Variants in HECW2 observed in about 807,000 individuals in gnomAD.
HECW2 encodes the protein E3 ubiquitin-protein ligase HECW2.
Under a neutral mutation model 175.2 loss-of-function variants are expected in HECW2, and 61 were observed. That is an observed-to-expected ratio of 0.35 (90% CI 0.28 to 0.43). The LOEUF (loss-of-function observed/expected upper bound fraction) is 0.43. Among genes scored for constraint, HECW2 ranks in the 20% least tolerant of loss-of-function variants. HECW2 has a pLI of 1.00. For missense variants in HECW2, 1,524 were observed against 2,000.5 expected, an observed-to-expected ratio of 0.76 and a Z score of 4.54; for synonymous variants, 671 against 731.0, an observed-to-expected ratio of 0.92 and a Z score of 1.32.
intron 1 of HECW2, among the ~76,000 whole-genome samples, chr2:196,524,340 T>G (rs1428268124): frequency 1.8e-5 from 2 of 110,566 alleles, no homozygotes; most frequent in African/African-American, 5.7e-5. Flanking sequence ...TATCATTTTT[T>G]ATTGTGTCTA....
intron 2 of HECW2, among the ~76,000 whole-genome samples, chr2:196,386,206 G>A (rs548331475): frequency 6.6e-6 from 1 of 152,172 alleles, no homozygotes; most frequent in Non-Finnish European, 1.5e-5. Flanking sequence ...AGATGGAAAG[G>A]GGAGATGGAC....
chr2:196,543,225 T>C (rs1425356623), intron 1 of HECW2, among the ~76,000 whole-genome samples: 1 of 151,184 alleles, frequency 6.6e-6, no homozygotes, highest in African/African-American at 2.4e-5. Flanking sequence ...TAAATACAAA[T>C]CTACAAGTGA....
At chr2:196,380,835 T>C (rs1694188398) in intron 2 of HECW2, among the ~76,000 whole-genome samples, 1 of 152,192 alleles carries the variant, frequency 6.6e-6, no homozygotes, top group Non-Finnish European at 1.5e-5. Context: ...CATAATAAAA[T>C]GTTACACAGC....
At chr2:196,400,919 A>C (rs1210318555) in intron 2 of HECW2, among the ~76,000 whole-genome samples, 1 of 152,300 alleles carries the variant, frequency 6.6e-6, no homozygotes, top group East Asian at 1.9e-4. Context: ...AAAAAGAGTT[A>C]TAAAACTTCA....
At chr2:196,269,198 A>G (rs1689631640) in intron 17 of HECW2, 1 of 152,180 alleles carries the variant, frequency 6.6e-6, no homozygotes, top group South Asian at 2.1e-4. Flanking sequence ...AAGACATGAG[A>G]CCAAGGTCAG....
At chr2:196,259,808 G>C (rs918934053) in intron 17 of HECW2, among the ~76,000 whole-genome samples, 2 of 152,154 alleles carry the variant, frequency 1.3e-5, no homozygotes, top group Non-Finnish European at 2.9e-5. Context: ...TCAGAGGAAA[G>C]TTATCTTGAA....
At chr2:196,254,581 C>T (rs1409746011) in intron 18 of HECW2, among the ~76,000 whole-genome samples, 2 of 152,148 alleles carry the variant, frequency 1.3e-5, no homozygotes, top group Non-Finnish European at 1.5e-5. Context: ...GGATCTTAGA[C>T]CATTTAATGT....
intron 1 of HECW2, among the ~76,000 whole-genome samples, chr2:196,502,877 A>G (rs1235545497): frequency 1.3e-5 from 2 of 152,246 alleles, no homozygotes; most frequent in African/African-American, 4.8e-5. Flanking sequence ...AAGAGTACAC[A>G]TGGAGGTCCA....
rs113311294 is a variant in HECW2 at position 196,453,800 on chromosome 2, G to A, written c.-35-20342C>T. Among the ~76,000 whole-genome samples, 110 of 152,190 alleles carry A rather than the reference G, an allele frequency of 7.2e-4. 2 individuals carry two copies. The highest frequency in any genetic ancestry group is 2.2e-3 in the African/African-American group (92 of 41,534). On this transcript the variant is annotated intron_variant, in intron 1 of 28. Coordinates refer to ENST00000644978, the MANE Select transcript of HECW2 (RefSeq NM_001348768.2). ...CTAATGACAGCACACCTAGATTTCTGGAGCAGTTCGGGGATAGAGAATCAA... is the reference window on the plus strand; with the variant it reads ...CTAATGACAGCACACCTAGATTTCTAGAGCAGTTCGGGGATAGAGAATCAA...
chr2:196,429,243 G>T lies in HECW2; in HGVS notation c.292+3889C>A, dbSNP rs573035034. On this transcript the variant is annotated intron_variant, in intron 2 of 28. Transcript: ENST00000644978. The stretch of plus-strand genomic sequence containing the variant: ...AAGTTTAGACCTTTCCTGAGCCTGG[G>T]GGGGGCCTACCTGCCCTGAGATTAA... Among the ~76,000 whole-genome samples, 29 of 151,754 alleles carry T rather than the reference G, an allele frequency of 1.9e-4. No individual in the cohort carries two copies. The East Asian group carries it at 3.5e-3, about 18-fold the overall frequency.
chr2:196,221,375 C>G (rs79769357), intron 24 of HECW2, among the ~76,000 whole-genome samples: 7,127 of 152,040 alleles, frequency 0.047, 546 homozygotes, highest in African/African-American at 0.16. Flanking sequence ...TGCAGAAAAG[C>G]AGCTAAAGAT....
At chr2:196,244,211 A>G (rs1688565056) in intron 19 of HECW2, among the ~76,000 whole-genome samples, 1 of 152,196 alleles carries the variant, frequency 6.6e-6, no homozygotes, top group Non-Finnish European at 1.5e-5. Context: ...GGTTGGGGAA[A>G]CAGAAATAAA....
At chr2:196,227,734 C>A (rs1430479577) in intron 22 of HECW2, among the ~76,000 whole-genome samples, 1 of 152,210 alleles carries the variant, frequency 6.6e-6, no homozygotes, top group Admixed American at 6.5e-5. Flanking sequence ...CAGGCCCTTC[C>A]CCTCCTCATC....
chr2:196,585,964 A>G (rs931037441), intron 1 of HECW2, among the ~76,000 whole-genome samples: 1 of 152,054 alleles, frequency 6.6e-6, no homozygotes, highest in Admixed American at 6.6e-5. Flanking sequence ...CTGCCACCCA[A>G]TATCTTCATG....
chr2:196,379,973 C>T (rs1055298216), intron 2 of HECW2, among the ~76,000 whole-genome samples: 26 of 150,582 alleles, frequency 1.7e-4, no homozygotes, highest in African/African-American at 6.3e-4. Flanking sequence ...AAATTGTTAA[C>T]TGGATTTTGC....
chr2:196,257,505 G>A (rs1438090524), intron 18 of HECW2, among the ~76,000 whole-genome samples: 1 of 152,114 alleles, frequency 6.6e-6, no homozygotes, highest in Non-Finnish European at 1.5e-5. Context: ...AGGGGTAAAC[G>A]GTGGATGCCT....
intron 10 of HECW2, among the ~76,000 whole-genome samples, chr2:196,313,921 C>T (rs1215651547): frequency 6.6e-6 from 1 of 152,116 alleles, no homozygotes; most frequent in Non-Finnish European, 1.5e-5. Flanking sequence ...ACCAGCCAGG[C>T]ATGATCATGC....
intron 1 of HECW2, among the ~76,000 whole-genome samples, chr2:196,441,090 GATTTTGTTCAGAAGAT>G (rs1450342151): frequency 4.6e-5 from 7 of 152,142 alleles, no homozygotes; most frequent in African/African-American, 1.7e-4. Flanking sequence ...AAAACCAGCA[GATTTTGTTCAGAAGAT>G]ATAGACAGTA....
intron 7 of HECW2, 41 bp downstream of exon 7, chr2:196,322,437 A>T (rs1438654213): frequency 6.4e-7 from 1 of 1,571,590 alleles, no homozygotes; most frequent in Non-Finnish European, 8.7e-7. Context: ...TTCCTATATG[A>T]ACTAATCTCA....
Sources: gnomAD v4.1 joint callset for allele counts (sites outside exome capture counted in the v4.1 genomes callset) on GRCh38, gnomAD v4.1.1 for gene constraint, MANE v1.5 for transcripts, NCBI Gene and HGNC (gene_info 2026-07-23, HGNC 2026-07-21) for gene names.